Variants in ARMH4 observed in about 807,000 individuals in gnomAD.
ARMH4 encodes armadillo like helical domain containing 4, also known as armadillo-like helical domain-containing protein 4.
In ARMH4, 49 loss-of-function variants were observed where a neutral mutation model predicts 61.9. The observed-to-expected ratio is 0.79, with a 90% CI of 0.63 to 1.00. The LOEUF (loss-of-function observed/expected upper bound fraction) is 1.00, where lower values mean the gene tolerates loss of function less well. Ranked by LOEUF, ARMH4 falls within the 50% of genes least tolerant of loss-of-function variation. The probability of loss-of-function intolerance (pLI) is 0.00; values close to 1 mark genes in which losing one functional copy is unlikely to be tolerated. For missense variants in ARMH4, 934 were observed against 930.0 expected (o/e 1.00, Z -0.06); for synonymous variants, 368 against 341.5 (o/e 1.08, Z -0.85).
chr14:58,029,357 C>G (rs909982102), intron 5 of ARMH4, among the ~76,000 whole-genome samples: 2 of 152,120 alleles, frequency 1.3e-5, no homozygotes, highest in African/African-American at 4.8e-5. Flanking sequence ...CCTCAGCCTC[C>G]CCAGTAGCTG....
intron 5 of ARMH4, among the ~76,000 whole-genome samples, chr14:58,048,630 G>A (rs1884017355): frequency 6.6e-6 from 1 of 152,006 alleles, no homozygotes; most frequent in South Asian, 2.1e-4. Flanking sequence ...TCTTTGAAGG[G>A]AACAACAACC....
At chr14:58,137,523 C>G (rs1238655240) in intron 2 of ARMH4, among the ~76,000 whole-genome samples, 3 of 152,024 alleles carry the variant, frequency 2.0e-5, no homozygotes, top group African/African-American at 7.2e-5. Flanking sequence ...CTCAGCCTCC[C>G]GAGTAGCTGG....
At chr14:58,108,817 A>T (rs896518704) in intron 4 of ARMH4, among the ~76,000 whole-genome samples, 1 of 152,238 alleles carries the variant, frequency 6.6e-6, no homozygotes, top group African/African-American at 2.4e-5. Flanking sequence ...ATGTCTAGAT[A>T]AATGTCCCTA....
chr14:58,134,932 A>G (rs529154205), intron 2 of ARMH4, among the ~76,000 whole-genome samples: 261 of 149,518 alleles, frequency 1.7e-3, no homozygotes, highest in African/African-American at 6.2e-3. Flanking sequence ...ACTCCAGCCT[A>G]GATGACAGAG....
chr14:58,134,956 CAAAA>C (rs199939980), intron 2 of ARMH4, among the ~76,000 whole-genome samples: 3 of 73,848 alleles, frequency 4.1e-5, no homozygotes, highest in Non-Finnish European at 3.0e-5. Context: ...GACTCTGTCT[CAAAA>C]AAAAAAAAAA....
At chr14:58,052,931 CA>C (rs772184914) in intron 5 of ARMH4, among the ~76,000 whole-genome samples, 2 of 152,166 alleles carry the variant, frequency 1.3e-5, no homozygotes, top group Non-Finnish European at 2.9e-5. Flanking sequence ...TCTCTCATCT[CA>C]GGGAGAACAC....
intron 1 of ARMH4, among the ~76,000 whole-genome samples, chr14:58,144,136 G>A (rs1477790038): frequency 6.6e-6 from 1 of 152,160 alleles, no homozygotes; most frequent in African/African-American, 2.4e-5. Flanking sequence ...AATAGCATGT[G>A]CCACAGCATG....
At chr14:58,030,378 T>C (rs1441983448) in intron 5 of ARMH4, among the ~76,000 whole-genome samples, 1 of 152,186 alleles carries the variant, frequency 6.6e-6, no homozygotes, top group Non-Finnish European at 1.5e-5. Context: ...AAGTGTAAAA[T>C]GTACAGAGTC....
chr14:58,065,331 G>C (rs1884670247), intron 5 of ARMH4, among the ~76,000 whole-genome samples: 1 of 152,218 alleles, frequency 6.6e-6, no homozygotes, highest in Non-Finnish European at 1.5e-5. Flanking sequence ...GAGGCTCAGG[G>C]AGATACCTCA....
intron 5 of ARMH4, among the ~76,000 whole-genome samples, chr14:58,032,060 T>C (rs143468931): frequency 6.0e-3 from 911 of 152,318 alleles, no homozygotes; most frequent in Non-Finnish European, 0.01. Context: ...TTCTTCCTTC[T>C]GTCTTCACCT....
intron 4 of ARMH4, among the ~76,000 whole-genome samples, chr14:58,117,302 A>G (rs1038152635): frequency 6.6e-6 from 1 of 152,244 alleles, no homozygotes; most frequent in African/African-American, 2.4e-5. Context: ...TCAGCTAATT[A>G]GACACCTTAA....
intron 5 of ARMH4, among the ~76,000 whole-genome samples, chr14:58,023,116 AGGGGTAGCTGTGTCG>A (rs892602171): frequency 7.9e-5 from 12 of 152,336 alleles, no homozygotes; most frequent in African/African-American, 2.9e-4. Flanking sequence ...TGCTGAAGGC[AGGGGTAGCTGTGTCG>A]ATTTCTTAAA....
chr14:58,140,857 C>T (rs969894591), intron 1 of ARMH4, among the ~76,000 whole-genome samples: 3 of 152,108 alleles, frequency 2.0e-5, no homozygotes, highest in Admixed American at 6.5e-5. Flanking sequence ...GAGCCAAGAT[C>T]GCGCCATCAC....
intron 5 of ARMH4, among the ~76,000 whole-genome samples, chr14:58,017,331 A>T (rs117512231): frequency 6.6e-6 from 1 of 152,164 alleles, no homozygotes; most frequent in Admixed American, 6.6e-5. Flanking sequence ...TAAGAGGAAG[A>T]ACTTAAATTG....
At chr14:58,034,206 C>T (rs1396944259) in intron 5 of ARMH4, among the ~76,000 whole-genome samples, 133 of 136,636 alleles carry the variant, frequency 9.7e-4, no homozygotes, top group Middle Eastern at 7.3e-3. Flanking sequence ...GCGGATCTCT[C>T]GGCAGAAACC....
At chr14:58,115,083 T>C (rs1886474691) in intron 4 of ARMH4, among the ~76,000 whole-genome samples, 1 of 152,082 alleles carries the variant, frequency 6.6e-6, no homozygotes, top group African/African-American at 2.4e-5. Flanking sequence ...AAAATAAAAA[T>C]TAATGAGTGG....
At chr14:58,022,948 A>G (rs1955639) in intron 5 of ARMH4, among the ~76,000 whole-genome samples, 108,198 of 152,176 alleles carry the variant, frequency 0.71, 39,040 homozygotes, top group African/African-American at 0.82. Context: ...TCTAGTAAGT[A>G]TGAGATTGCA....
rs377358504 is a variant in ARMH4 at position 58,138,460 on chromosome 14, A to T, written c.899T>A (p.Val300Asp). 3 of 1,614,098 alleles carry T rather than the reference A, an allele frequency of 1.9e-6. No individual in the cohort carries two copies. In the African/African-American group the frequency reaches 4.0e-5, roughly 22 times the overall value. The change falls in exon 2 of 8, where the codon GTC becomes GAC. Residue 300 changes from valine to aspartate, a missense_variant. By Grantham distance (152) the Val-to-Asp change is radical. Transcript: ENST00000267485. Reference protein sequence around the residue: ...LLGAPEVTVSVSTAVPAASAL... With the variant: ...LLGAPEVTVSDSTAVPAASAL... ...AGAGGCAGCTGGAACAGCTGTGCTGACACTCACTGTGACTTCTGGGGCTCC... is the reference window on the plus strand; with the variant it reads ...AGAGGCAGCTGGAACAGCTGTGCTGTCACTCACTGTGACTTCTGGGGCTCC...
intron 5 of ARMH4, among the ~76,000 whole-genome samples, chr14:58,052,948 C>T (rs566655857): frequency 6.6e-6 from 1 of 152,158 alleles, no homozygotes; most frequent in Non-Finnish European, 1.5e-5. Flanking sequence ...AACACCCCTA[C>T]CTGCACACCT....
Sources: gnomAD v4.1 joint callset for allele counts (sites outside exome capture counted in the v4.1 genomes callset) on GRCh38, gnomAD v4.1.1 for gene constraint, MANE v1.5 for transcripts, NCBI Gene and HGNC (gene_info 2026-07-23, HGNC 2026-07-21) for gene names.